The following BRPF3 variants were observed in gnomAD, a reference collection of about 807,000 sequenced individuals.
BRPF3 encodes bromodomain and PHD finger-containing protein 3.
A neutral mutation model predicts 102.0 loss-of-function variants in BRPF3; 18 were observed. That is an observed-to-expected ratio of 0.18 (90% confidence interval 0.12 to 0.26). BRPF3 has a LOEUF of 0.26. Ranked by LOEUF, BRPF3 falls within the 10% of genes least tolerant of loss-of-function variation. BRPF3 has a pLI of 1.00. For synonymous variants in BRPF3, 570 were observed against 614.2 expected (o/e 0.93, Z 1.06); for missense variants, 1,147 against 1,567.8 (o/e 0.73, Z 4.53).
chr6:36,220,056 A>C (rs774353611), intron 9 of BRPF3, among the ~76,000 whole-genome samples: 1 of 152,186 alleles, frequency 6.6e-6, no homozygotes, highest in Non-Finnish European at 1.5e-5. Context: ...GTTCTCATGG[A>C]TATGGATGTT....
chr6:36,206,078 C>A (rs1345181983), intron 3 of BRPF3, among the ~76,000 whole-genome samples: 1 of 152,176 alleles, frequency 6.6e-6, no homozygotes, highest in African/African-American at 2.4e-5. Flanking sequence ...GCTTTATCAA[C>A]ATGGGTTTTT....
chr6:36,198,383 G>A (rs1767580703), intron 1 of BRPF3, among the ~76,000 whole-genome samples: 2 of 152,208 alleles, frequency 1.3e-5, no homozygotes, highest in African/African-American at 4.8e-5. Flanking sequence ...CTAGGTCACA[G>A]AGGGCCAAGA....
In BRPF3 at chr6:36,229,044, A is replaced by G; in HGVS notation, c.3422A>G (p.Asn1141Ser). The G allele has an allele frequency of 6.2e-7, 1 of 1,614,058 alleles. No homozygotes were observed. The highest frequency in any genetic ancestry group is 1.7e-5 in the Admixed American group (1 of 60,024). Reference sequence around the variant, plus strand: ...CTCTTCCTTGTCCTCTTCTTTGACAACAAGCGCACCTGGTTAGTGGGTGCT... The same window carrying G: ...CTCTTCCTTGTCCTCTTCTTTGACAGCAAGCGCACCTGGTTAGTGGGTGCT... ...EKLFLVLFFD[N>S]KRTWQWLPRD... is the part of the protein sequence containing the mutation. Residue 1141 changes from asparagine to serine, a missense_variant, in exon 12 of 13, where the codon AAC becomes AGC. Transcript: ENST00000357641.
chr6:36,211,673 C>G, intron 7 of BRPF3, 113 bp downstream of exon 7: 1 of 1,290,362 alleles, frequency 7.7e-7, no homozygotes. Flanking sequence ...CACTTGTGGG[C>G]AAGCAAAAGT....
intron 10 of BRPF3, among the ~76,000 whole-genome samples, chr6:36,223,816 T>C (rs1434686367): frequency 6.6e-6 from 1 of 152,210 alleles, no homozygotes; most frequent in African/African-American, 2.4e-5. Flanking sequence ...AAGTTATTTT[T>C]CTCAGAATAA....
chr6:36,214,356 G>C lies in BRPF3; in HGVS notation c.2959G>C (p.Glu987Gln), dbSNP rs763365914. 5 of 1,601,196 alleles carry C rather than the reference G, an allele frequency of 3.1e-6. No homozygotes were observed. In the East Asian group the frequency reaches 8.9e-5, roughly 29 times the overall value. The change falls in exon 8 of 13, where the codon GAG (glutamate) becomes CAG (glutamine). Residue 987 changes from glutamate to glutamine, a missense_variant. Glu to Gln is a conservative substitution (Grantham distance 29). Coordinates refer to ENST00000357641, the MANE Select transcript of BRPF3 (RefSeq NM_015695.3). Reference protein sequence around the residue: ...RSRSCSESEGERSPQQEEETG... With the variant: ...RSRSCSESEGQRSPQQEEETG... Reference sequence around the variant, plus strand: ...CAGGAGCTGTAGTGAGAGCGAAGGGGAGAGGTCCCCCCAGCAGGAGGAAGA... The same window carrying C: ...CAGGAGCTGTAGTGAGAGCGAAGGGCAGAGGTCCCCCCAGCAGGAGGAAGA...
chr6:36,201,864 A>G lies in BRPF3; in HGVS notation c.1448+94A>G, dbSNP rs111252740. On this transcript the variant is annotated intron_variant, in intron 2 of 12. Transcript: ENST00000357641. This position sits in a 1 kb window ranked among gnomAD's most constrained non-coding sequence, Gnocchi z 5.1. Reference sequence around the variant, plus strand: ...AGGCCTTCGCTAAACACAGTTGGACACTATATCCTCCTCCCCGAATTTAAA... The same window carrying G: ...AGGCCTTCGCTAAACACAGTTGGACGCTATATCCTCCTCCCCGAATTTAAA... 3.0e-5 allele frequency: 44 copies of G among 1,480,344 alleles called. No individual in the cohort carries two copies. The African/African-American group carries it at 3.7e-4, about 12-fold the overall frequency. The allele number at this position is 1,480,344 out of a possible 1,614,324, so 91.7% of individuals were successfully genotyped here.
chr6:36,221,281 CTTTTTTTTTTTTTTT>C (rs35018880), intron 9 of BRPF3, among the ~76,000 whole-genome samples: 1 of 76,706 alleles, frequency 1.3e-5, no homozygotes, highest in Non-Finnish European at 2.6e-5. Flanking sequence ...AATTGGTCTA[CTTTTTTTTTTTTTTT>C]TTTTTTTTTG....
intron 4 of BRPF3, among the ~76,000 whole-genome samples, chr6:36,208,361 C>T (rs1364260930): frequency 6.6e-6 from 1 of 152,112 alleles, no homozygotes; most frequent in Non-Finnish European, 1.5e-5. Context: ...TCTTGCCGGG[C>T]ACAGTGGCTC....
chr6:36,212,093 A>C (rs1452291328), intron 7 of BRPF3, among the ~76,000 whole-genome samples: 1 of 152,186 alleles, frequency 6.6e-6, no homozygotes, highest in African/African-American at 2.4e-5. Context: ...TCTCAAGTAG[A>C]GAGGCCAGAC....
chr6:36,226,180 A>G (rs1038797527), intron 11 of BRPF3, among the ~76,000 whole-genome samples: 2 of 152,206 alleles, frequency 1.3e-5, no homozygotes, highest in Non-Finnish European at 2.9e-5. Flanking sequence ...ATCCATGATT[A>G]TTTCCTTACA....
At chr6:36,197,838 G>A (rs1415078370) in intron 1 of BRPF3, among the ~76,000 whole-genome samples, 4 of 152,184 alleles carry the variant, frequency 2.6e-5, no homozygotes, top group Non-Finnish European at 5.9e-5. Flanking sequence ...GGTGTCTGGA[G>A]GCGTGGGTGG....
intron 8 of BRPF3, among the ~76,000 whole-genome samples, chr6:36,215,905 T>C (rs1768313031): frequency 6.6e-6 from 1 of 152,178 alleles, no homozygotes; most frequent in African/African-American, 2.4e-5. Context: ...GCTCTTTGTG[T>C]CCCTCATGTA....
chr6:36,204,365 G>A (rs1767829516), intron 2 of BRPF3: 4 of 401,144 alleles, frequency 1.0e-5, no homozygotes, highest in Non-Finnish European at 1.4e-5. Flanking sequence ...CAGTCCGTAC[G>A]TGGAACAAGG....
chr6:36,197,413 GTC>G (rs1767538745), intron 1 of BRPF3: 1 of 152,266 alleles, frequency 6.6e-6, no homozygotes, highest in Admixed American at 6.5e-5. Flanking sequence ...ACGTCAGGCT[GTC>G]TCTGGTGCGC....
Position 36,230,584 on chromosome 6 carries a change from C to T in BRPF3, c.3593C>T (p.Ser1198Phe). The T allele has an allele frequency of 6.2e-7, 1 of 1,613,952 alleles. No individual in the cohort carries two copies. Among genetic ancestry groups the T allele is most frequent in the South Asian group, 1.1e-5 (1 of 91,072 alleles). The change falls in exon 13 of 13, where the codon TCC (serine) becomes TTC (phenylalanine). Residue 1198 changes from serine (S) to phenylalanine (F), a missense_variant. This residue lies in a region of BRPF3 where 85 missense variants were observed against 172.9 expected (regional missense o/e 0.49). Coordinates refer to ENST00000357641, the MANE Select transcript of BRPF3 (RefSeq NM_015695.3). This position sits in a 1 kb window ranked among gnomAD's most constrained non-coding sequence, Gnocchi z 5.4. Reference protein sequence around the residue: ...IHLSRVRGPHSFVTSSYL With the variant: ...IHLSRVRGPHFFVTSSYL ...CTGAGCAGAGTCCGGGGGCCCCACT[C>T]CTTCGTCACTTCCAGCTACCTGTAA...
chr6:36,211,085 G>A (rs1483359001), intron 6 of BRPF3, 173 bp from the exon 7 acceptor site: 2 of 699,534 alleles, frequency 2.9e-6, no homozygotes, highest in African/African-American at 3.6e-5. Context: ...TTGCCCCTGT[G>A]GCTGCCTTCT....
rs1038682180 is a variant in BRPF3 at position 36,200,463 on chromosome 6, A to T, written c.141A>T (p.Gly47=). ...GGATTGTCGAGGTAGACATTGATGG[A>T]CGCCTGCATCGTATCAGCATCTATG... The part of the protein sequence containing the change: ...AQRIVEVDID[G]RLHRISIYDP... The change falls in exon 2 of 13, where the codon GGA becomes GGT. Residue 47 remains glycine (G), a synonymous_variant. Transcript: ENST00000357641. This position sits in a 1 kb window ranked among gnomAD's most constrained non-coding sequence, Gnocchi z 5.3. The T allele has an allele frequency of 6.2e-7, 1 of 1,614,128 alleles. No individual in the cohort carries two copies. The highest frequency in any genetic ancestry group is 1.3e-5 in the African/African-American group (1 of 74,958).
chr6:36,218,061 T>G, intron 9 of BRPF3, 51 bp downstream of exon 9: 1 of 1,488,314 alleles, frequency 6.7e-7, no homozygotes, highest in East Asian at 2.3e-5. Context: ...CCCCTCCTTT[T>G]ACTCTCCATT....
Sources: gnomAD v4.1 joint callset for allele counts (sites outside exome capture counted in the v4.1 genomes callset) on GRCh38, gnomAD v4.1.1 for gene constraint, gnomAD v4.1.1 regional missense constraint, Gnocchi (gnomAD v3.1) non-coding constraint, MANE v1.5 for transcripts, NCBI Gene and HGNC (gene_info 2026-07-23, HGNC 2026-07-21) for gene names.